Variants in DLG2 observed in about 807,000 individuals in gnomAD.
The protein encoded by DLG2 is disks large homolog 2.
A neutral mutation model predicts 132.5 loss-of-function variants in DLG2; 45 were observed. The ratio of observed to expected loss-of-function variants is 0.34; its 90% CI spans 0.27 to 0.44. The LOEUF is 0.44. Among genes scored for constraint, DLG2 ranks in the 20% least tolerant of loss-of-function variants. The pLI is 1.00. For synonymous variants in DLG2, 424 were observed against 419.6 expected (o/e 1.01, Z -0.13); for missense variants, 1,045 against 1,196.9 (o/e 0.87, Z 1.87).
Position 83,605,798 on chromosome 11 carries a change from A to G in DLG2, c.1940+27413T>C, listed in dbSNP as rs565966774. 2.0e-5 allele frequency among the ~76,000 whole-genome samples: 3 copies of G among 152,346 alleles called. No individual in the cohort carries two copies. In the South Asian group the frequency reaches 6.2e-4, roughly 32 times the overall value. On this transcript the variant is annotated intron_variant, in intron 19 of 27. Transcript: ENST00000376104. ...GCAAGAGTACTTGCAGTGTTCCACT[A>G]TTGTCCACAAATGTGAGAACTTCAT...
At chr11:84,763,950 A>T (rs891792791) in intron 6 of DLG2, among the ~76,000 whole-genome samples, 1 of 152,108 alleles carries the variant, frequency 6.6e-6, no homozygotes, top group African/African-American at 2.4e-5. Context: ...TTTTTACTTT[A>T]TTCCATAATA....
chr11:84,215,691 G>A (rs1331272233), intron 8 of DLG2, among the ~76,000 whole-genome samples: 2 of 152,152 alleles, frequency 1.3e-5, no homozygotes, highest in Non-Finnish European at 2.9e-5. Flanking sequence ...GATACCTATA[G>A]AGGGTCCAGC....
At chr11:85,116,014 C>T (rs1352365573) in intron 5 of DLG2, among the ~76,000 whole-genome samples, 1 of 151,918 alleles carries the variant, frequency 6.6e-6, no homozygotes, top group South Asian at 2.1e-4. Context: ...AATCTTTGAA[C>T]AAGCATTTCA....
At chr11:84,503,542 A>G (rs2099228626) in intron 7 of DLG2, among the ~76,000 whole-genome samples, 2 of 152,294 alleles carry the variant, frequency 1.3e-5, no homozygotes, top group African/African-American at 4.8e-5. Context: ...TTGGCTTTCC[A>G]TAGAGTGTGC....
At chr11:84,775,495 A>G (rs527626291) in intron 6 of DLG2, among the ~76,000 whole-genome samples, 27 of 152,288 alleles carry the variant, frequency 1.8e-4, no homozygotes, top group Admixed American at 1.2e-3. Flanking sequence ...ACTATTCACA[A>G]TAGCAAAAAC....
chr11:84,566,412 G>A (rs552378647), intron 6 of DLG2, among the ~76,000 whole-genome samples: 1 of 152,010 alleles, frequency 6.6e-6, no homozygotes, highest in African/African-American at 2.4e-5. Context: ...ATAAATCAGG[G>A]TAAAAAAAGT....
intron 3 of DLG2, among the ~76,000 whole-genome samples, chr11:85,357,938 G>A (rs2083866812): frequency 6.6e-6 from 1 of 151,478 alleles, no homozygotes; most frequent in African/African-American, 2.4e-5. Context: ...AAATCAGGCA[G>A]TCTGCCTCCA....
chr11:84,840,079 C>T (rs1448716480), intron 6 of DLG2, among the ~76,000 whole-genome samples: 1 of 152,082 alleles, frequency 6.6e-6, no homozygotes, highest in Non-Finnish European at 1.5e-5. Flanking sequence ...AAAATTTTTG[C>T]AATCTACCCA....
intron 6 of DLG2, among the ~76,000 whole-genome samples, chr11:85,061,067 T>A (rs1289022107): frequency 6.6e-6 from 1 of 151,620 alleles, no homozygotes; most frequent in Non-Finnish European, 1.5e-5. Context: ...AAATCCTTTG[T>A]CCATTTTTTA....
At chr11:84,282,381 T>C (rs1024636439) in intron 7 of DLG2, among the ~76,000 whole-genome samples, 2 of 152,068 alleles carry the variant, frequency 1.3e-5, no homozygotes, top group African/African-American at 4.8e-5. Flanking sequence ...ATAAGGTAGT[T>C]GGAGGGAGGG....
At chr11:85,234,065 G>A (rs1209966995) in intron 4 of DLG2, among the ~76,000 whole-genome samples, 1 of 151,842 alleles carries the variant, frequency 6.6e-6, no homozygotes, top group Non-Finnish European at 1.5e-5. Flanking sequence ...TAATGAGGAT[G>A]CAGAAATGAA....
rs1017805450 is a variant in DLG2 at position 84,620,556 on chromosome 11, T to C, written c.358-85825A>G. Among the ~76,000 whole-genome samples, 4 of 151,988 alleles carry C rather than the reference T, an allele frequency of 2.6e-5. No individual in the cohort carries two copies. In the East Asian group the frequency reaches 5.8e-4, roughly 22 times the overall value. ...TAAGAAAAAGATAATACAATATAGG[T>C]GTAAGCACACAGCAATAAACCATTA... is the stretch of plus-strand genomic sequence containing the variant. On this transcript the variant is annotated intron_variant, in intron 6 of 27. Transcript: ENST00000376104.
intron 2 of DLG2, among the ~76,000 whole-genome samples, chr11:85,615,257 T>G (rs1280931768): frequency 6.6e-6 from 1 of 152,134 alleles, no homozygotes; most frequent in Admixed American, 6.6e-5. Context: ...TGGCTCATGC[T>G]TGTAATCCCA....
intron 6 of DLG2, among the ~76,000 whole-genome samples, chr11:84,837,268 T>G (rs890227926): frequency 6.6e-6 from 1 of 151,894 alleles, no homozygotes; most frequent in Non-Finnish European, 1.5e-5. Context: ...GAATTTCACC[T>G]TGCTTCTCTT....
chr11:84,519,052 T>C (rs1295546955), intron 7 of DLG2, among the ~76,000 whole-genome samples: 1 of 152,144 alleles, frequency 6.6e-6, no homozygotes, highest in Non-Finnish European at 1.5e-5. Context: ...GCAGGCTGAT[T>C]TATAAGCAAC....
At chr11:85,205,321 G>A (rs2081805810) in intron 4 of DLG2, among the ~76,000 whole-genome samples, 1 of 151,860 alleles carries the variant, frequency 6.6e-6, no homozygotes, top group Non-Finnish European at 1.5e-5. Flanking sequence ...CCATATTTGG[G>A]AGCTAAAAAA....
At chr11:84,284,172 T>A (rs1215575162) in intron 7 of DLG2, among the ~76,000 whole-genome samples, 1 of 152,066 alleles carries the variant, frequency 6.6e-6, no homozygotes, top group African/African-American at 2.4e-5. Flanking sequence ...AGGCAGAGGT[T>A]GCGGTGAGCC....
intron 7 of DLG2, among the ~76,000 whole-genome samples, chr11:84,413,719 A>G (rs1239151005): frequency 6.6e-6 from 1 of 152,182 alleles, no homozygotes; most frequent in Non-Finnish European, 1.5e-5. Context: ...CAGCTATCAA[A>G]TGGGACATTA....
At chr11:84,842,259 C>A (rs1392665234) in intron 6 of DLG2, among the ~76,000 whole-genome samples, 1 of 151,960 alleles carries the variant, frequency 6.6e-6, no homozygotes, top group African/African-American at 2.4e-5. Flanking sequence ...TGAATTATCT[C>A]TGCTTCTCAT....
Sources: gnomAD v4.1 joint callset for allele counts (sites outside exome capture counted in the v4.1 genomes callset) on GRCh38, gnomAD v4.1.1 for gene constraint, MANE v1.5 for transcripts, NCBI Gene and HGNC (gene_info 2026-07-23, HGNC 2026-07-21) for gene names.